Variants in RASSF6 observed in about 807,000 individuals in gnomAD.
The protein encoded by RASSF6 is Ras association domain family member 6.
In RASSF6, 52 loss-of-function variants were observed where a neutral mutation model predicts 44.0. That is an observed-to-expected ratio of 1.18 (90% confidence interval 0.95 to 1.49). RASSF6 has a LOEUF of 1.49. RASSF6 is among the 40% of genes most tolerant of loss of function. RASSF6 has a pLI of 0.00. For missense variants in RASSF6, 464 were observed against 393.3 expected (o/e 1.18, Z -1.52); for synonymous variants, 162 against 124.6 (o/e 1.30, Z -2.00).
At chr4:73,597,640 T>C (rs1725017975) in intron 3 of RASSF6, among the ~76,000 whole-genome samples, 1 of 152,198 alleles carries the variant, frequency 6.6e-6, no homozygotes, top group Non-Finnish European at 1.5e-5. Flanking sequence ...CAATGGAGAA[T>C]AAATCATTTT....
chr4:73,616,006 A>C (rs1726329731), intron 1 of RASSF6: 1 of 1,345,530 alleles, frequency 7.4e-7, no homozygotes, highest in South Asian at 1.3e-5. Context: ...TGAGTTAATT[A>C]AATGGTTACA....
chr4:73,611,037 T>G (rs1725972223), intron 2 of RASSF6, among the ~76,000 whole-genome samples: 1 of 152,194 alleles, frequency 6.6e-6, no homozygotes, highest in Non-Finnish European at 1.5e-5. Context: ...ACTTTCCTAC[T>G]GCCCAACCCT....
At chr4:73,601,569 T>C (rs765945050) in intron 2 of RASSF6, among the ~76,000 whole-genome samples, 15 of 152,200 alleles carry the variant, frequency 9.9e-5, no homozygotes, top group Non-Finnish European at 1.5e-4. Context: ...AACTAAAGTA[T>C]TGGAGTAAAA....
At chr4:73,585,762 T>A (rs1216421006) in intron 5 of RASSF6, among the ~76,000 whole-genome samples, 2 of 151,996 alleles carry the variant, frequency 1.3e-5, no homozygotes, top group Admixed American at 1.3e-4. Flanking sequence ...TGAGTTGAAG[T>A]GGCTTTCCTA....
In RASSF6 at chr4:73,593,470, C is replaced by G. The variant is rs1485999386; in HGVS notation, c.268G>C (p.Asp90His). The G allele has an allele frequency of 2.5e-6, 4 of 1,609,408 alleles. No homozygotes were observed. The highest frequency in any genetic ancestry group is 3.4e-6 in the Non-Finnish European group (4 of 1,178,706). ...FSSFTSMKSS[D>H]VFSSKGMTRW... ...GCTTACCCTTTGCTGGAGAAGACGT[C>G]TGATGACTTCATACTAGTAAAAGAA... Residue 90 changes from aspartate to histidine, a missense_variant, in exon 4 of 11, where the codon GAC becomes CAC. Physicochemically the swap from Asp to His is moderately conservative, Grantham distance 81 (BLOSUM62 -1). Coordinates refer to ENST00000307439, the MANE Select transcript of RASSF6 (RefSeq NM_177532.5).
chr4:73,576,614 T>C lies in RASSF6; in HGVS notation c.839A>G (p.Asp280Gly). ...GATTCAGGGTGATGGTATTCATACA[T>C]CACTGCTAATTTCTTCTGCATCTTT... ...MDKDAEEISSDVAQYINFHFS... is the reference protein window; with the variant it reads ...MDKDAEEISSGVAQYINFHFS... The change falls in exon 9 of 11, where the codon GAT becomes GGT. Residue 280 changes from aspartate to glycine, a missense_variant and splice_region_variant. Asp to Gly is a moderately conservative substitution (Grantham distance 94). Coordinates refer to ENST00000307439, the MANE Select transcript of RASSF6 (RefSeq NM_177532.5). 2 of 1,608,540 alleles carry C rather than the reference T, an allele frequency of 1.2e-6. No homozygotes were observed. Among genetic ancestry groups the C allele is most frequent in the Non-Finnish European group, 8.5e-7 (1 of 1,175,126 alleles).
At chr4:73,620,613 C>G, upstream of RASSF6, 3 of 732,596 alleles carry the variant, frequency 4.1e-6, no homozygotes, top group South Asian at 2.0e-5. Flanking sequence ...GAAACCTGAG[C>G]CACTCCCTGT....
At position 73,581,878 on chromosome 4, in the gene RASSF6, GA is replaced by G; in HGVS notation, c.670-11del. On this transcript the variant is annotated splice_polypyrimidine_tract_variant and intron_variant, in intron 7 of 10. Transcript: ENST00000307439. Reference sequence around the variant, plus strand: ...GGGGACTATTTTCAATCTGTCAAGGGAAAAAATGAACAAATATAAATTCTTT... The same window carrying G: ...GGGGACTATTTTCAATCTGTCAAGGGAAAAATGAACAAATATAAATTCTTT... 3 of 1,600,900 alleles carry G rather than the reference GA, an allele frequency of 1.9e-6. No homozygotes were observed. The highest frequency in any genetic ancestry group is 2.6e-6 in the Non-Finnish European group (3 of 1,169,670).
chr4:73,613,999 C>T lies in RASSF6; in HGVS notation c.-34-2170G>A, dbSNP rs571995274. On this transcript the variant is annotated intron_variant, in intron 1 of 10. Transcript: ENST00000307439. ...CTACTTAGATGTGTACCAGGCATCT[C>T]GATATCTACATGGCTGAAAAAGAAC... Among the ~76,000 whole-genome samples, 12 of 152,292 alleles carry T rather than the reference C, an allele frequency of 7.9e-5. No homozygotes were observed. The East Asian group carries it at 9.6e-4, about 12-fold the overall frequency.
rs776889884 is a variant in RASSF6, at chr4:73,576,723, G to A, written c.730C>T (p.Arg244Ter). 30 of 1,595,186 alleles carry A rather than the reference G, an allele frequency of 1.9e-5. No individual in the cohort carries two copies. The highest frequency in any genetic ancestry group is 1.1e-4 in the East Asian group (5 of 44,726). Residue 244 changes from arginine (R) to a stop codon, truncating the protein, a stop_gained, in exon 9 of 11, where the codon CGA becomes TGA. Coordinates refer to ENST00000307439, the MANE Select transcript of RASSF6 (RefSeq NM_177532.5). LOFTEE classifies it high-confidence loss of function. ...HIIFATGEQR[R>*]LKKTDIPLLQ... ...AGCGGAATGTCTGTCTTCTTTAGTC[G>A]TCTTTGTTCTGCAGTGAAAACAAGA...
chr4:73,618,043 A>G (rs992340548), intron 1 of RASSF6, among the ~76,000 whole-genome samples: 1 of 152,176 alleles, frequency 6.6e-6, no homozygotes, highest in African/African-American at 2.4e-5. Context: ...GGAAATTAAA[A>G]CAAGAATCAG....
chr4:73,572,542 T>C lies in RASSF6; in HGVS notation c.*3693A>G, dbSNP rs1722973291. 1.3e-5 allele frequency: 2 copies of C among 152,054 alleles called. No homozygotes were observed. Among genetic ancestry groups the C allele is most frequent in the Admixed American group, 6.6e-5 (1 of 15,246 alleles). The allele number at this position is 152,054 out of a possible 1,614,324, so 9.4% of individuals were successfully genotyped here. ...ACAATTATTATTTGTCAATTAAAAATAAAATAAAAAGACGTAAGTCACTAA... is the reference window on the plus strand; with the variant it reads ...ACAATTATTATTTGTCAATTAAAAACAAAATAAAAAGACGTAAGTCACTAA... On this transcript the variant is annotated 3_prime_UTR_variant, in exon 11 of 11. Coordinates refer to ENST00000307439, the MANE Select transcript of RASSF6 (RefSeq NM_177532.5).
Position 73,572,862 on chromosome 4 carries a change from A to G in RASSF6, c.*3373T>C, listed in dbSNP as rs1722987179. 6.6e-6 allele frequency: 1 copy of G among 152,204 alleles called. No individual in the cohort carries two copies. The highest frequency in any genetic ancestry group is 1.5e-5 in the Non-Finnish European group (1 of 68,024). The allele number at this position is 152,204 out of a possible 1,614,324, so 9.4% of individuals were successfully genotyped here. On this transcript the variant is annotated 3_prime_UTR_variant, in exon 11 of 11. Transcript: ENST00000307439. ...AAAAACATGAATCACTCATAATTCT[A>G]CAATGCAGATATAGCCATTTTTAAC...
intron 1 of RASSF6, among the ~76,000 whole-genome samples, chr4:73,616,166 C>A (rs1221372787): frequency 6.6e-6 from 1 of 152,100 alleles, no homozygotes; most frequent in African/African-American, 2.4e-5. Flanking sequence ...ACAAGGTGCA[C>A]AAAGTGTCAT....
At position 73,576,522 on chromosome 4, in the gene RASSF6, G is replaced by T. The variant is rs536732539; in HGVS notation, c.841-15C>A. 27 of 1,541,504 alleles carry T rather than the reference G, an allele frequency of 1.8e-5. No individual in the cohort carries two copies. In the African/African-American group the frequency reaches 3.4e-4, roughly 19 times the overall value. ...TACTGAGCCACCTAAGAAAGAAGAA[G>T]AAGAAAAAAAAAAGAAAGCAGAACA... On this transcript the variant is annotated splice_polypyrimidine_tract_variant and intron_variant, in intron 9 of 10. Transcript: ENST00000307439.
At chr4:73,611,427 T>C (rs1726006177) in intron 2 of RASSF6, among the ~76,000 whole-genome samples, 2 of 152,172 alleles carry the variant, frequency 1.3e-5, no homozygotes, top group African/African-American at 4.8e-5. Context: ...TTTAGAACTA[T>C]CATTTATGAG....
At chr4:73,604,946 A>C (rs1433574906) in intron 2 of RASSF6, among the ~76,000 whole-genome samples, 1 of 149,162 alleles carries the variant, frequency 6.7e-6, no homozygotes, top group South Asian at 2.1e-4. Context: ...CTGGAGTGCA[A>C]TGGTGTGATC....
Position 73,574,808 on chromosome 4 carries a change from T to G in RASSF6, c.*1427A>C, listed in dbSNP as rs1190810500. 2.0e-5 allele frequency: 3 copies of G among 152,180 alleles called. No individual in the cohort carries two copies. The highest frequency in any genetic ancestry group is 4.8e-5 in the African/African-American group (2 of 41,436). The allele number at this position is 152,180 out of a possible 1,614,324, so 9.4% of individuals were successfully genotyped here. ...TAAGACTTGGTTCTTCTCTTATACA[T>G]TTCAGTCTATTGAAGACTAACCTTT... On this transcript the variant is annotated 3_prime_UTR_variant, in exon 11 of 11. Transcript: ENST00000307439.
intron 4 of RASSF6, among the ~76,000 whole-genome samples, chr4:73,590,037 T>A (rs7663880): frequency 0.029 from 4,431 of 152,274 alleles, 87 homozygotes; most frequent in South Asian, 0.06. Context: ...TAAAAACAGA[T>A]GTGAAAAATA....
Sources: allele counts gnomAD v4.1 joint callset (sites outside exome capture counted in the v4.1 genomes callset), GRCh38; gene constraint gnomAD v4.1.1; transcripts MANE v1.5; gene names NCBI Gene and HGNC (gene_info 2026-07-23, HGNC 2026-07-21).